KCNQ5: variants seen among roughly 807,000 people sequenced by gnomAD.
KCNQ5 encodes potassium voltage-gated channel subfamily Q member 5, also known as potassium voltage-gated channel subfamily KQT member 5.
In KCNQ5, 30 loss-of-function variants were observed where a neutral mutation model predicts 98.2. The ratio of observed to expected loss-of-function variants is 0.31; its 90% CI spans 0.23 to 0.41. The LOEUF (loss-of-function observed/expected upper bound fraction) is 0.41, where lower values mean the gene tolerates loss of function less well. Ranked by LOEUF, KCNQ5 falls within the 10% of genes least tolerant of loss-of-function variation. The pLI is 1.00. For synonymous variants in KCNQ5, 458 were observed against 449.4 expected, an observed-to-expected ratio of 1.02 and a Z score of -0.24; for missense variants, 835 against 1,182.5, an observed-to-expected ratio of 0.71 and a Z score of 4.31.
chr6:73,124,157 A>G (rs1177250310), intron 8 of KCNQ5, among the ~76,000 whole-genome samples: 1 of 152,216 alleles, frequency 6.6e-6, no homozygotes, highest in Non-Finnish European at 1.5e-5. Flanking sequence ...GCAACATTCT[A>G]AGAGCCCTTG....
At chr6:73,025,172 T>C (rs765353747) in intron 2 of KCNQ5, among the ~76,000 whole-genome samples, 37 of 152,334 alleles carry the variant, frequency 2.4e-4, no homozygotes, top group Middle Eastern at 3.4e-3. Context: ...TCTATTGTCA[T>C]ATTCTAAAGA....
chr6:72,945,186 G>T (rs1215889503), intron 1 of KCNQ5, among the ~76,000 whole-genome samples: 3 of 152,032 alleles, frequency 2.0e-5, no homozygotes, highest in Admixed American at 1.3e-4. Context: ...GAAGAGAAAT[G>T]AGTTTATAAA....
chr6:73,055,293 C>T, intron 3 of KCNQ5: 1 of 1,399,696 alleles, frequency 7.1e-7, no homozygotes, highest in East Asian at 2.3e-5. Context: ...ACCTTCTGGA[C>T]AGTGCTAGAT....
At chr6:72,803,447 A>T (rs1465511366) in intron 1 of KCNQ5, among the ~76,000 whole-genome samples, 1 of 152,140 alleles carries the variant, frequency 6.6e-6, no homozygotes, top group African/African-American at 2.4e-5. Context: ...CTTTTCTGAA[A>T]GTTTATGCTT....
intron 1 of KCNQ5, among the ~76,000 whole-genome samples, chr6:72,763,843 A>G (rs1367787754): frequency 6.6e-6 from 1 of 152,152 alleles, no homozygotes; most frequent in African/African-American, 2.4e-5. Flanking sequence ...CTTCTCGGGG[A>G]GAAAAAACCT....
intron 1 of KCNQ5, among the ~76,000 whole-genome samples, chr6:72,854,156 C>T (rs1003791900): frequency 1.1e-4 from 16 of 152,114 alleles, no homozygotes; most frequent in Admixed American, 5.2e-4. Context: ...GAGTTCTTCT[C>T]TGAAAATATA....
At chr6:72,962,481 C>G (rs1299170043) in intron 1 of KCNQ5, among the ~76,000 whole-genome samples, 1 of 151,696 alleles carries the variant, frequency 6.6e-6, no homozygotes, top group Non-Finnish European at 1.5e-5. Flanking sequence ...ACCTGTACAC[C>G]TAAAGCTACT....
Position 73,194,529 on chromosome 6 carries a change from C to T in KCNQ5, c.1914C>T (p.Ala638=). Residue 638 remains alanine (A), a synonymous_variant, in exon 14 of 14, where the codon GCC becomes GCT. Transcript: ENST00000370398. ...QQVLRKGSAS[A]LALASFQIPP... Reference sequence around the variant, plus strand: ...TCCTTCGGAAAGGCTCTGCCTCAGCCCTCGCTTTGGCTTCATTCCAGATCC... The same window carrying T: ...TCCTTCGGAAAGGCTCTGCCTCAGCTCTCGCTTTGGCTTCATTCCAGATCC... 1.2e-6 allele frequency: 2 copies of T among 1,614,192 alleles called. No individual in the cohort carries two copies. The highest frequency in any genetic ancestry group is 8.5e-7 in the Non-Finnish European group (1 of 1,180,030).
chr6:72,903,662 C>A (rs1779592458), intron 1 of KCNQ5, among the ~76,000 whole-genome samples: 1 of 152,052 alleles, frequency 6.6e-6, no homozygotes, highest in South Asian at 2.1e-4. Context: ...TTGGAGTTGA[C>A]TTCCAGTTTT....
At position 72,622,482 on chromosome 6, in the gene KCNQ5, G is replaced by A. The variant is rs896873918; in HGVS notation, c.293G>A (p.Ser98Asn). 1.2e-6 allele frequency: 2 copies of A among 1,607,592 alleles called. No homozygotes were observed. Among genetic ancestry groups the A allele is most frequent in the Admixed American group, 1.7e-5 (1 of 59,644 alleles). The change falls in exon 1 of 14, where the codon AGT (serine) becomes AAT (asparagine). Residue 98 changes from serine (S) to asparagine (N), a missense_variant. Ser to Asn is a conservative substitution (Grantham distance 46). Around this residue, in one of 10 missense-constraint regions of KCNQ5, gnomAD observed 54 missense variants for 51.5 expected, o/e 1.05. Transcript: ENST00000370398. This position sits in a 1 kb window ranked among gnomAD's most constrained non-coding sequence, Gnocchi z 6.0. Reference sequence around the variant, plus strand: ...CTGGGGAAGCCGCTCTCTTACACGAGTAGCCAGAGCTGCCGGCGCAACGTC... The same window carrying A: ...CTGGGGAAGCCGCTCTCTTACACGAATAGCCAGAGCTGCCGGCGCAACGTC... Reference protein sequence around the residue: ...SLLGKPLSYTSSQSCRRNVKY... With the variant: ...SLLGKPLSYTNSQSCRRNVKY...
chr6:72,779,616 G>T (rs879218130), intron 1 of KCNQ5, among the ~76,000 whole-genome samples: 2 of 152,004 alleles, frequency 1.3e-5, no homozygotes, highest in Admixed American at 1.3e-4. Flanking sequence ...AAAATAAGAA[G>T]ATTAAACTAA....
At chr6:73,077,668 G>T in intron 4 of KCNQ5, 94 bp from the exon 5 acceptor site, 2 of 1,324,468 alleles carry the variant, frequency 1.5e-6, no homozygotes, top group South Asian at 1.4e-5. Flanking sequence ...AAACATCCAA[G>T]AAGTAGTAAA....
intron 1 of KCNQ5, among the ~76,000 whole-genome samples, chr6:72,721,209 C>A (rs1281784222): frequency 6.6e-6 from 1 of 152,174 alleles, no homozygotes. Context: ...GAACAGTACT[C>A]AGCACATAGT....
At chr6:72,754,585 T>C (rs1222694850) in intron 1 of KCNQ5, among the ~76,000 whole-genome samples, 2 of 152,228 alleles carry the variant, frequency 1.3e-5, no homozygotes, top group Non-Finnish European at 1.5e-5. Context: ...CCAAATATCC[T>C]AAATTGCATA....
chr6:72,751,145 G>A (rs1205667652), intron 1 of KCNQ5, among the ~76,000 whole-genome samples: 1 of 152,010 alleles, frequency 6.6e-6, no homozygotes, highest in Non-Finnish European at 1.5e-5. Context: ...AGACACATAG[G>A]AGAGTAAGAA....
In KCNQ5 at chr6:72,669,280, C is replaced by T. The variant is rs1481681471; in HGVS notation, c.398+46693C>T. On this transcript the variant is annotated intron_variant, in intron 1 of 13. Transcript: ENST00000370398. ...AATGATGAGACAGTTATAGGATAGA[C>T]GTTCCCATCACAAAAGGGAAAAATC... is the stretch of plus-strand genomic sequence containing the variant. Among the ~76,000 whole-genome samples the T allele has an allele frequency of 3.3e-5, 5 of 152,132 alleles. No individual in the cohort carries two copies. The South Asian group carries it at 6.2e-4, about 19-fold the overall frequency.
chr6:73,081,992 A>AT (rs1773796388), intron 5 of KCNQ5, among the ~76,000 whole-genome samples: 1 of 152,214 alleles, frequency 6.6e-6, no homozygotes, highest in African/African-American at 2.4e-5. Flanking sequence ...CAACCCACAG[A>AT]TTTTCAGAAT....
intron 1 of KCNQ5, among the ~76,000 whole-genome samples, chr6:72,624,659 G>T (rs955211806): frequency 3.3e-5 from 5 of 152,170 alleles, no homozygotes; most frequent in African/African-American, 1.2e-4. Flanking sequence ...TTTAGTAGTA[G>T]ACAGGAAATA....
At chr6:73,187,497 A>G (rs992906979) in intron 11 of KCNQ5, among the ~76,000 whole-genome samples, 1 of 152,196 alleles carries the variant, frequency 6.6e-6, no homozygotes, top group Non-Finnish European at 1.5e-5. Flanking sequence ...TTTAATTCTC[A>G]TACATAAAGT....
Sources: gnomAD v4.1 joint callset for allele counts (sites outside exome capture counted in the v4.1 genomes callset) on GRCh38, gnomAD v4.1.1 for gene constraint, gnomAD v4.1.1 regional missense constraint, Gnocchi (gnomAD v3.1) non-coding constraint, MANE v1.5 for transcripts, NCBI Gene and HGNC (gene_info 2026-07-23, HGNC 2026-07-21) for gene names.